The following SNX25 variants were observed in gnomAD, a reference collection of about 807,000 sequenced individuals.
SNX25 encodes the protein sorting nexin 25.
Under a neutral mutation model 113.7 loss-of-function variants are expected in SNX25, and 62 were observed. That is an observed-to-expected ratio of 0.55 (90% confidence interval 0.44 to 0.67). The LOEUF is 0.67. SNX25 is among the 30% of genes least tolerant of loss of function. The probability of loss-of-function intolerance (pLI) is 0.00; values close to 1 mark genes in which losing one functional copy is unlikely to be tolerated. For synonymous variants in SNX25, 421 were observed against 436.2 expected, an observed-to-expected ratio of 0.97 and a Z score of 0.43; for missense variants, 1,014 against 1,161.0, an observed-to-expected ratio of 0.87 and a Z score of 1.84.
intron 7 of SNX25, among the ~76,000 whole-genome samples, chr4:185,316,024 A>G (rs1035241046): frequency 6.6e-6 from 1 of 152,260 alleles, no homozygotes; most frequent in Admixed American, 6.5e-5. Context: ...CATATATTCA[A>G]TGAAACCATT....
intron 17 of SNX25, chr4:185,362,309 A>G: frequency 2.0e-6 from 2 of 985,424 alleles, no homozygotes; most frequent in Non-Finnish European, 2.4e-6. Context: ...AGAACAGATA[A>G]TAAACTTTGT....
chr4:185,348,272 C>T (rs897270928), intron 13 of SNX25, among the ~76,000 whole-genome samples: 2 of 152,102 alleles, frequency 1.3e-5, no homozygotes, highest in Non-Finnish European at 2.9e-5. Context: ...AGAAGCTAGA[C>T]ATTCTGAGAC....
At chr4:185,283,063 A>G (rs1229860598) in intron 5 of SNX25, among the ~76,000 whole-genome samples, 1 of 152,220 alleles carries the variant, frequency 6.6e-6, no homozygotes, top group Non-Finnish European at 1.5e-5. Flanking sequence ...AAATTCAGTA[A>G]TCATCTTCAG....
intron 7 of SNX25, among the ~76,000 whole-genome samples, chr4:185,314,794 G>A (rs1039930111): frequency 1.4e-5 from 2 of 144,530 alleles, no homozygotes; most frequent in African/African-American, 5.1e-5. Flanking sequence ...GGAGGCGGAA[G>A]TTGCAGTGAG....
intron 9 of SNX25, among the ~76,000 whole-genome samples, chr4:185,328,779 C>T (rs764817804): frequency 5.9e-5 from 9 of 152,100 alleles, no homozygotes; most frequent in Admixed American, 3.3e-4. Flanking sequence ...TAGCCCCAGG[C>T]GCTTCCTGGA....
At chr4:185,247,264 C>A in intron 1 of SNX25, 30 bp from the exon 2 acceptor site, 1 of 1,448,162 alleles carries the variant, frequency 6.9e-7, no homozygotes, top group South Asian at 1.3e-5. Context: ...ATTCAGTAAT[C>A]TGCTTTGTAT....
chr4:185,338,892 C>G (rs1026191132), intron 10 of SNX25, among the ~76,000 whole-genome samples: 1 of 152,160 alleles, frequency 6.6e-6, no homozygotes, highest in Non-Finnish European at 1.5e-5. Context: ...GTTTAGAAGT[C>G]AAGAAGTCTG....
intron 11 of SNX25, among the ~76,000 whole-genome samples, chr4:185,341,761 G>T (rs2126724712): frequency 6.6e-6 from 1 of 152,188 alleles, no homozygotes; most frequent in South Asian, 2.1e-4. Flanking sequence ...TTTGCTTTTA[G>T]GTTAGGCCCA....
At chr4:185,233,241 C>G (rs1742120999) in intron 1 of SNX25, among the ~76,000 whole-genome samples, 1 of 151,726 alleles carries the variant, frequency 6.6e-6, no homozygotes, top group African/African-American at 2.4e-5. Context: ...GCCAAGATGG[C>G]ACCACTGCAC....
intron 1 of SNX25, among the ~76,000 whole-genome samples, chr4:185,241,309 C>T (rs1042286362): frequency 6.6e-6 from 1 of 152,034 alleles, no homozygotes; most frequent in African/African-American, 2.4e-5. Context: ...AACCCCGTCT[C>T]CACCAAAAAA....
intron 3 of SNX25, among the ~76,000 whole-genome samples, chr4:185,261,001 C>G (rs1378635459): frequency 6.6e-6 from 1 of 152,056 alleles, no homozygotes; most frequent in African/African-American, 2.4e-5. Context: ...TTCCATAGTT[C>G]CACCTGACAA....
chr4:185,208,120 T>C (rs538577888), upstream of SNX25, among the ~76,000 whole-genome samples: 27 of 152,236 alleles, frequency 1.8e-4, no homozygotes, highest in African/African-American at 6.3e-4. Flanking sequence ...TATTTTATTT[T>C]ATTTTTGAGA....
intron 12 of SNX25, among the ~76,000 whole-genome samples, chr4:185,343,818 A>T (rs1199873960): frequency 6.6e-6 from 1 of 152,210 alleles, no homozygotes; most frequent in African/African-American, 2.4e-5. Context: ...TGCTGCTTGT[A>T]GAAAGAAGCC....
At chr4:185,350,634 G>T (rs1260232451) in intron 13 of SNX25, among the ~76,000 whole-genome samples, 60 of 152,104 alleles carry the variant, frequency 3.9e-4, no homozygotes, top group Admixed American at 3.9e-3. Flanking sequence ...AGGCTGAGGC[G>T]GGCAGATCAC....
chr4:185,287,905 A>T, intron 5 of SNX25, 107 bp from the exon 6 acceptor site: 1 of 897,768 alleles, frequency 1.1e-6, no homozygotes, highest in Non-Finnish European at 1.7e-6. Context: ...GGCAGGATTC[A>T]CAGCTCCTGT....
intron 1 of SNX25, among the ~76,000 whole-genome samples, chr4:185,217,611 C>CG (rs2126322354): frequency 6.6e-6 from 1 of 152,266 alleles, no homozygotes; most frequent in African/African-American, 2.4e-5. Context: ...TTGAAGCATA[C>CG]GATGTCACAT....
At chr4:185,246,103 TG>T (rs1293465344) in intron 1 of SNX25, among the ~76,000 whole-genome samples, 1 of 152,028 alleles carries the variant, frequency 6.6e-6, no homozygotes, top group African/African-American at 2.4e-5. Flanking sequence ...CTGGCCAACA[TG>T]GGAAAAACCC....
At chr4:185,337,878 TG>T (rs1470046903) in intron 10 of SNX25, among the ~76,000 whole-genome samples, 1 of 152,172 alleles carries the variant, frequency 6.6e-6, no homozygotes, top group African/African-American at 2.4e-5. Flanking sequence ...CTTATTAAGG[TG>T]GTATCTTATT....
At chr4:185,251,810 A>G (rs1168029208) in intron 2 of SNX25, among the ~76,000 whole-genome samples, 2 of 151,914 alleles carry the variant, frequency 1.3e-5, no homozygotes, top group African/African-American at 4.8e-5. Context: ...TTTCAGAAGT[A>G]CTTGTGGGGA....
Sources: allele counts gnomAD v4.1 joint callset (sites outside exome capture counted in the v4.1 genomes callset), GRCh38; gene constraint gnomAD v4.1.1; transcripts MANE v1.5; gene names NCBI Gene and HGNC (gene_info 2026-07-23, HGNC 2026-07-21).